The following FGF2 variants were observed in gnomAD, a reference collection of about 807,000 sequenced individuals.
The protein encoded by FGF2 is fibroblast growth factor 2.
Under a neutral mutation model 15.9 loss-of-function variants are expected in FGF2, and 13 were observed. That is an observed-to-expected ratio of 0.82 (90% CI 0.53 to 1.30). The LOEUF (loss-of-function observed/expected upper bound fraction) is 1.30, where lower values mean the gene tolerates loss of function less well. FGF2 is among the 50% of genes most tolerant of loss of function. The pLI is 0.00. For synonymous variants in FGF2, 90 were observed against 78.4 expected (o/e 1.15, Z -0.78); for missense variants, 163 against 196.9 (o/e 0.83, Z 1.03).
intron 1 of FGF2, among the ~76,000 whole-genome samples, chr4:122,835,340 T>C (rs996766951): frequency 3.3e-5 from 5 of 151,586 alleles, no homozygotes; most frequent in Non-Finnish European, 7.4e-5. Flanking sequence ...TTTCTTCTGT[T>C]TTTTTTTTGC....
chr4:122,830,904 C>CCA (rs1342348630), intron 1 of FGF2, among the ~76,000 whole-genome samples: 4 of 150,738 alleles, frequency 2.7e-5, no homozygotes, highest in African/African-American at 9.8e-5. Flanking sequence ...TGCCTGTGTG[C>CCA]CACACTTCTT....
At chr4:122,836,085 A>G (rs1725860540) in intron 1 of FGF2, among the ~76,000 whole-genome samples, 1 of 152,190 alleles carries the variant, frequency 6.6e-6, no homozygotes, top group Admixed American at 6.5e-5. Flanking sequence ...TACTTGGTAC[A>G]TAGTCTGAAC....
chr4:122,836,385 T>A (rs1355252532), intron 1 of FGF2, among the ~76,000 whole-genome samples: 1 of 152,230 alleles, frequency 6.6e-6, no homozygotes, highest in African/African-American at 2.4e-5. Context: ...TCGTACCTTA[T>A]CCCATTTCCA....
At chr4:122,835,329 C>T (rs554956878) in intron 1 of FGF2, among the ~76,000 whole-genome samples, 1 of 151,798 alleles carries the variant, frequency 6.6e-6, no homozygotes, top group South Asian at 2.1e-4. Flanking sequence ...TTTTTTTCCA[C>T]TTTCTTCTGT....
At chr4:122,832,164 C>T (rs552197384) in intron 1 of FGF2, among the ~76,000 whole-genome samples, 7 of 152,304 alleles carry the variant, frequency 4.6e-5, no homozygotes, top group African/African-American at 1.4e-4. Flanking sequence ...CCCTATGTCC[C>T]GTAGCACACG....
intron 2 of FGF2, among the ~76,000 whole-genome samples, chr4:122,881,250 A>C (rs541593340): frequency 6.6e-6 from 1 of 152,152 alleles, no homozygotes; most frequent in Admixed American, 6.5e-5. Context: ...CATTTTCCTC[A>C]TTGTCTTGGT....
intron 1 of FGF2, among the ~76,000 whole-genome samples, chr4:122,831,324 G>A (rs184520716): frequency 6.6e-6 from 1 of 152,232 alleles, no homozygotes; most frequent in Non-Finnish European, 1.5e-5. Context: ...TCAGGGTAGT[G>A]AGCTGCTAGC....
chr4:122,892,829 T>G lies in FGF2; in HGVS notation c.*433T>G. ...GTTTCTAAACATATAAATGTGAATT[T>G]AATCAATTCCTTTCATAGTTTTATA... On this transcript the variant is annotated 3_prime_UTR_variant, in exon 3 of 3. Coordinates refer to ENST00000644866, the MANE Select transcript of FGF2 (RefSeq NM_001361665.2). 6.3e-7 allele frequency: 1 copy of G among 1,589,642 alleles called. No homozygotes were observed. The highest frequency in any genetic ancestry group is 1.1e-5 in the South Asian group (1 of 87,426).
intron 1 of FGF2, among the ~76,000 whole-genome samples, chr4:122,871,286 G>A (rs982643923): frequency 6.6e-6 from 1 of 152,128 alleles, no homozygotes; most frequent in Non-Finnish European, 1.5e-5. Flanking sequence ...TGAGAAGAAT[G>A]TATATTCTAT....
chr4:122,877,616 G>A lies in FGF2; in HGVS notation c.282+1192G>A, dbSNP rs779345067. The stretch of plus-strand genomic sequence containing the variant: ...AAAGACAGATCTCATTCCTGTCTCC[G>A]TGAGGGAGTAGATAGGACATGTATG... On this transcript the variant is annotated intron_variant, in intron 2 of 2. Coordinates refer to ENST00000644866, the MANE Select transcript of FGF2 (RefSeq NM_001361665.2). Among the ~76,000 whole-genome samples, 4 of 152,334 alleles carry A rather than the reference G, an allele frequency of 2.6e-5. 1 individual carries two copies. The South Asian group carries it at 6.2e-4, about 24-fold the overall frequency.
In FGF2 at chr4:122,895,897, A is replaced by G. The variant is rs1251081492; in HGVS notation, c.*3501A>G. ...ATGTTTTCCTAAATACAGAGTTTAA[A>G]TAATTTCAGTAATTCTTAGATGATT... On this transcript the variant is annotated 3_prime_UTR_variant, in exon 3 of 3. Transcript: ENST00000644866. The G allele has an allele frequency of 6.6e-6, 1 of 152,338 alleles. No homozygotes were observed. Among genetic ancestry groups the G allele is most frequent in the East Asian group, 1.9e-4 (1 of 5,194 alleles). 9.4% of individuals were successfully genotyped at this position (152,338 alleles called of 1,614,324 possible).
intron 1 of FGF2, among the ~76,000 whole-genome samples, chr4:122,874,891 G>A (rs1432820522): frequency 1.3e-5 from 2 of 151,956 alleles, no homozygotes; most frequent in African/African-American, 4.8e-5. Flanking sequence ...ATAATATGCT[G>A]ATTTCTAAAA....
intron 1 of FGF2, among the ~76,000 whole-genome samples, chr4:122,853,649 C>T (rs1358010058): frequency 8.5e-6 from 1 of 117,846 alleles, no homozygotes; most frequent in Admixed American, 7.5e-5. Flanking sequence ...TTTTGTTCAC[C>T]ACACTACTCC....
chr4:122,826,695 C>A, upstream of FGF2: 1 of 1,256,342 alleles, frequency 8.0e-7, no homozygotes, highest in Non-Finnish European at 1.0e-6. Context: ...GCCGAACCGC[C>A]GAACTCAGAG....
chr4:122,845,319 C>G (rs1726087748), intron 1 of FGF2, among the ~76,000 whole-genome samples: 1 of 152,184 alleles, frequency 6.6e-6, no homozygotes, highest in African/African-American at 2.4e-5. Context: ...TCTTAAGGCC[C>G]TGGGATTTTC....
intron 1 of FGF2, among the ~76,000 whole-genome samples, chr4:122,837,965 C>T (rs1444175998): frequency 6.6e-6 from 1 of 152,016 alleles, no homozygotes; most frequent in African/African-American, 2.4e-5. Context: ...AGTGTTAGTT[C>T]TCCTTACATA....
At chr4:122,829,646 A>G (rs1725718540) in intron 1 of FGF2, among the ~76,000 whole-genome samples, 1 of 152,032 alleles carries the variant, frequency 6.6e-6, no homozygotes, top group African/African-American at 2.4e-5. Context: ...ATTTTGTTGC[A>G]CCCATCACCC....
intron 1 of FGF2, among the ~76,000 whole-genome samples, chr4:122,843,603 A>G (rs2150767300): frequency 6.6e-6 from 1 of 152,292 alleles, no homozygotes; most frequent in East Asian, 1.9e-4. Flanking sequence ...TCTCTCTCAG[A>G]CTATTTTCCT....
intron 2 of FGF2, chr4:122,889,016 C>T (rs1378027623): frequency 6.6e-6 from 1 of 151,970 alleles, no homozygotes; most frequent in Non-Finnish European, 1.5e-5. Context: ...TCTATGCTTC[C>T]TGTACCTCTA....
Sources: gnomAD v4.1 joint callset for allele counts (sites outside exome capture counted in the v4.1 genomes callset) on GRCh38, gnomAD v4.1.1 for gene constraint, MANE v1.5 for transcripts, NCBI Gene and HGNC (gene_info 2026-07-23, HGNC 2026-07-21) for gene names.